Variants in CSF1R observed in about 807,000 individuals in gnomAD.
CSF1R encodes macrophage colony-stimulating factor 1 receptor.
CSF1R carries 40 observed loss-of-function variants against 110.0 expected under a neutral mutation model. That is an observed-to-expected ratio of 0.36 (90% CI 0.28 to 0.47). CSF1R has a LOEUF of 0.47. Ranked by LOEUF, CSF1R falls within the 20% of genes least tolerant of loss-of-function variation. CSF1R has a pLI of 0.99. For missense variants in CSF1R, 1,052 were observed against 1,253.0 expected (o/e 0.84, Z 2.42); for synonymous variants, 523 against 503.4 (o/e 1.04, Z -0.52).
intron 5 of CSF1R, among the ~76,000 whole-genome samples, chr5:150,076,567 T>G (rs901248455): frequency 6.6e-6 from 1 of 152,106 alleles, no homozygotes; most frequent in African/African-American, 2.4e-5. Context: ...ATCACTCTCC[T>G]CTTTACAATG....
intron 3 of CSF1R, 152 bp from the exon 4 acceptor site, chr5:150,078,400 C>T (rs993376695): frequency 2.1e-6 from 2 of 957,460 alleles, no homozygotes; most frequent in Non-Finnish European, 1.5e-6. Context: ...TGCTCCCAGT[C>T]CCCCCACTGC....
In CSF1R at chr5:150,061,797, C is replaced by G; in HGVS notation, c.1679G>C (p.Ser560Thr). The part of the protein sequence containing the change: ...WKIIESYEGN[S>T]YTFIDPTQLP... ...CTGCGTGGGGTCGATGAAAGTATAA[C>G]TGTTGCCCTCATAGCTCTCGATGAT... Residue 560 changes from serine to threonine, a missense_variant, in exon 11 of 21, where the codon AGT (serine) becomes ACT (threonine). Physicochemically the swap from Ser to Thr is moderately conservative, Grantham distance 58 (BLOSUM62 1). Around this residue, in one of 5 missense-constraint regions of CSF1R, gnomAD observed 693 missense variants for 735.4 expected, o/e 0.94. Transcript: ENST00000675795. 1 of 1,614,250 alleles carries G rather than the reference C, an allele frequency of 6.2e-7. No homozygotes were observed. Among genetic ancestry groups the G allele is most frequent in the Non-Finnish European group, 8.5e-7 (1 of 1,180,046 alleles).
intron 1 of CSF1R, among the ~76,000 whole-genome samples, chr5:150,109,053 A>ACCCCCC (rs1260938867): frequency 2.4e-5 from 1 of 41,504 alleles, no homozygotes; most frequent in Non-Finnish European, 5.1e-5. Context: ...CCCAAGGAGA[A>ACCCCCC]GCCCGCCCCC....
chr5:150,055,287 C>T lies in CSF1R; in HGVS notation c.2604G>A (p.Leu868=), dbSNP rs761193992. The T allele has an allele frequency of 1.2e-6, 2 of 1,614,194 alleles. No individual in the cohort carries two copies. Among genetic ancestry groups the T allele is most frequent in the Middle Eastern group, 1.7e-4 (1 of 6,060 alleles). ...GGGCCATTTGGTATCCATCCTTCAC[C>T]AGTTTATAGAACTTGCTGTTCACCA... ...GILVNSKFYK[L]VKDGYQMAQP... is the part of the protein sequence containing the mutation. The change falls in exon 19 of 21, where the codon CTG becomes CTA. Residue 868 remains leucine (L), a synonymous_variant. Transcript: ENST00000675795.
intron 1 of CSF1R, among the ~76,000 whole-genome samples, chr5:150,112,070 C>T (rs1250742883): frequency 3.3e-5 from 5 of 152,012 alleles, no homozygotes; most frequent in African/African-American, 1.2e-4. Flanking sequence ...TCTACGTTAA[C>T]CTTTGTATGG....
chr5:150,088,689 A>T (rs942545682), upstream of CSF1R, among the ~76,000 whole-genome samples: 5 of 152,044 alleles, frequency 3.3e-5, no homozygotes, highest in Admixed American at 3.3e-4. Context: ...ATGCGCCACC[A>T]TGCCCAGCTA....
At chr5:150,076,434 A>G (rs1758272391) in intron 5 of CSF1R, among the ~76,000 whole-genome samples, 1 of 152,122 alleles carries the variant, frequency 6.6e-6, no homozygotes, top group Admixed American at 6.5e-5. Flanking sequence ...TTTTACAGGT[A>G]GGAAAACTGA....
intron 1 of CSF1R, among the ~76,000 whole-genome samples, 172 bp downstream of exon 1, chr5:150,086,207 C>T (rs2113845536): frequency 6.6e-6 from 1 of 152,292 alleles, no homozygotes; most frequent in African/African-American, 2.4e-5. Flanking sequence ...CCACACCCAT[C>T]TCTTTTCACC....
At chr5:150,104,042 G>C (rs1244915133) in intron 1 of CSF1R, among the ~76,000 whole-genome samples, 2 of 152,074 alleles carry the variant, frequency 1.3e-5, no homozygotes, top group African/African-American at 4.8e-5. Context: ...GGGGGTACCT[G>C]CACAGGTAAC....
intron 1 of CSF1R, among the ~76,000 whole-genome samples, chr5:150,100,758 A>C (rs1345125404): frequency 6.6e-6 from 1 of 152,234 alleles, no homozygotes; most frequent in Non-Finnish European, 1.5e-5. Flanking sequence ...ATGTGTGCAC[A>C]AGTGTACTAA....
In CSF1R at chr5:150,056,143, A is replaced by T. The variant is rs771408942; in HGVS notation, c.2443-6T>A. On this transcript the variant is annotated splice_region_variant and splice_polypyrimidine_tract_variant and intron_variant, in intron 17 of 20. Coordinates refer to ENST00000675795, the MANE Select transcript of CSF1R (RefSeq NM_001288705.3). ...CACTTCACAGGCAGGCGGGCCTGGG[A>T]TGACAGTCCCCAGTTATTTTGGGCC... 1 of 1,614,180 alleles carries T rather than the reference A, an allele frequency of 6.2e-7. No homozygotes were observed. The highest frequency in any genetic ancestry group is 1.1e-5 in the South Asian group (1 of 91,080).
At chr5:150,094,246 C>T (rs1759139921) in intron 1 of CSF1R, 1 of 1,059,898 alleles carries the variant, frequency 9.4e-7, no homozygotes, top group Admixed American at 2.3e-5. Flanking sequence ...ACATAACAAT[C>T]CTGGGTGTAT....
At chr5:150,071,137 G>A (rs1338244712) in intron 6 of CSF1R, among the ~76,000 whole-genome samples, 3 of 152,158 alleles carry the variant, frequency 2.0e-5, no homozygotes, top group East Asian at 1.9e-4. Flanking sequence ...TTGGCTTGAG[G>A]ATTAAAGGAC....
At chr5:150,083,805 C>T (rs551384683) in intron 1 of CSF1R, among the ~76,000 whole-genome samples, 1 of 152,352 alleles carries the variant, frequency 6.6e-6, no homozygotes, top group East Asian at 1.9e-4. Context: ...TCTATGTTCA[C>T]TTTCCCTATG....
At chr5:150,103,967 A>T (rs1759475650) in intron 1 of CSF1R, among the ~76,000 whole-genome samples, 1 of 152,154 alleles carries the variant, frequency 6.6e-6, no homozygotes, top group Non-Finnish European at 1.5e-5. Context: ...CCTCAGAATC[A>T]CAGGGGTAAC....
chr5:150,094,617 C>G, intron 1 of CSF1R: 2 of 1,564,162 alleles, frequency 1.3e-6, no homozygotes, highest in Non-Finnish European at 1.7e-6. Flanking sequence ...CCCAAAGGTT[C>G]GAAAGGTGTT....
At position 150,061,596 on chromosome 5, in the gene CSF1R, C is replaced by T; in HGVS notation, c.1754-1G>A. 6.2e-7 allele frequency: 1 copy of T among 1,614,148 alleles called. No individual in the cohort carries two copies. Among genetic ancestry groups the T allele is most frequent in the African/African-American group, 1.3e-5 (1 of 75,032 alleles). On this transcript the variant is annotated splice_acceptor_variant, in intron 11 of 20. Transcript: ENST00000675795. LOFTEE classifies it high-confidence loss of function. ...AAGGCTCCAGCTCCGAGGGTCTTAC[C>T]TGCCACGCACACAGGTCCCTTAAGT...
intron 1 of CSF1R, among the ~76,000 whole-genome samples, chr5:150,112,068 A>T (rs1025850866): frequency 2.0e-5 from 3 of 152,064 alleles, no homozygotes; most frequent in Admixed American, 1.3e-4. Flanking sequence ...GCTCTACGTT[A>T]ACCTTTGTAT....
At chr5:150,057,093 G>T (rs1249623019) in intron 16 of CSF1R, among the ~76,000 whole-genome samples, 194 bp downstream of exon 16, 1 of 152,004 alleles carries the variant, frequency 6.6e-6, no homozygotes, top group African/African-American at 2.4e-5. Context: ...CAGGTGCCCA[G>T]CCCCAGAGCT....
Sources: gnomAD v4.1 joint callset for allele counts (sites outside exome capture counted in the v4.1 genomes callset) on GRCh38, gnomAD v4.1.1 for gene constraint, gnomAD v4.1.1 regional missense constraint, MANE v1.5 for transcripts, NCBI Gene and HGNC (gene_info 2026-07-23, HGNC 2026-07-21) for gene names.